The following NFATC2 variants were observed in gnomAD, a reference collection of about 807,000 sequenced individuals.
The protein encoded by NFATC2 is nuclear factor of activated T-cells, cytoplasmic 2.
A neutral mutation model predicts 87.3 loss-of-function variants in NFATC2; 22 were observed. The ratio of observed to expected loss-of-function variants is 0.25; its 90% CI spans 0.18 to 0.36. The LOEUF (loss-of-function observed/expected upper bound fraction) is 0.36. Among genes scored for constraint, NFATC2 ranks in the 10% least tolerant of loss-of-function variants. NFATC2 has a pLI of 1.00. For synonymous variants in NFATC2, 565 were observed against 542.2 expected (o/e 1.04, Z -0.58); for missense variants, 1,149 against 1,259.1 (o/e 0.91, Z 1.32).
chr20:51,422,284 G>C (rs1229818266), intron 9 of NFATC2, among the ~76,000 whole-genome samples: 1 of 152,158 alleles, frequency 6.6e-6, no homozygotes, highest in African/African-American at 2.4e-5. Flanking sequence ...TTTTATGACT[G>C]TTTAAAGGGA....
chr20:51,535,589 T>C (rs977141099), intron 1 of NFATC2, among the ~76,000 whole-genome samples: 1 of 152,218 alleles, frequency 6.6e-6, no homozygotes, highest in Admixed American at 6.5e-5. Context: ...GCCAACCCCC[T>C]GGTTATTAAG....
At chr20:51,545,631 G>A (rs1310280911), upstream of NFATC2, among the ~76,000 whole-genome samples, 2 of 152,088 alleles carry the variant, frequency 1.3e-5, no homozygotes, top group Admixed American at 6.6e-5. Context: ...TGGATGGATA[G>A]GGGATGGATT....
chr20:51,529,688 G>A (rs1317473692), intron 1 of NFATC2, among the ~76,000 whole-genome samples: 1 of 151,774 alleles, frequency 6.6e-6, no homozygotes, highest in East Asian at 1.9e-4. Context: ...CACGATCTTT[G>A]CTCTATCCAT....
chr20:51,538,014 AAAG>A (rs1169615732), intron 1 of NFATC2, among the ~76,000 whole-genome samples: 2 of 152,232 alleles, frequency 1.3e-5, no homozygotes, highest in Non-Finnish European at 2.9e-5. Context: ...ACAACTCCAC[AAAG>A]AAGCACCAGG....
intron 9 of NFATC2, among the ~76,000 whole-genome samples, chr20:51,418,953 C>CCCCCCCCCG (rs113178477): frequency 6.7e-6 from 1 of 149,830 alleles, no homozygotes; most frequent in East Asian, 2.0e-4. Context: ...CGTGAGCCAC[C>CCCCCCCCCG]CCCACCGCCC....
intron 3 of NFATC2, among the ~76,000 whole-genome samples, chr20:51,484,375 A>G (rs988218485): frequency 2.6e-5 from 4 of 152,048 alleles, no homozygotes; most frequent in Non-Finnish European, 4.4e-5. Flanking sequence ...CTTAAGTTGC[A>G]TCATCCACCT....
chr20:51,561,472 A>AAGC (rs2077027996), intron 1 of NFATC2, among the ~76,000 whole-genome samples: 1 of 137,430 alleles, frequency 7.3e-6, no homozygotes, highest in Admixed American at 7.5e-5. Flanking sequence ...AGAAAGAAAG[A>AAGC]AAGAAAGAAA....
intron 1 of NFATC2, among the ~76,000 whole-genome samples, chr20:51,533,571 C>T (rs1420966841): frequency 6.6e-6 from 1 of 152,230 alleles, no homozygotes; most frequent in Non-Finnish European, 1.5e-5. Flanking sequence ...CATCCTGTCT[C>T]GTCCATGGAA....
At chr20:51,510,467 C>A (rs181146733) in intron 3 of NFATC2, among the ~76,000 whole-genome samples, 1 of 152,206 alleles carries the variant, frequency 6.6e-6, no homozygotes, top group Non-Finnish European at 1.5e-5. Context: ...CAGGGCTCCA[C>A]CAAAAGCGTG....
At chr20:51,476,092 T>A (rs867847438) in intron 3 of NFATC2, among the ~76,000 whole-genome samples, 3,419 of 144,550 alleles carry the variant, frequency 0.024, 140 homozygotes, top group African/African-American at 0.082. Flanking sequence ...TTTTTTTTTT[T>A]ATACTTTAAG....
chr20:51,441,975 T>C (rs1269361668), intron 6 of NFATC2, among the ~76,000 whole-genome samples: 1 of 152,140 alleles, frequency 6.6e-6, no homozygotes, highest in Non-Finnish European at 1.5e-5. Flanking sequence ...GAATTCCTCA[T>C]TGCAAATAAA....
At chr20:51,473,168 C>G (rs1169944705) in intron 5 of NFATC2, among the ~76,000 whole-genome samples, 3 of 152,206 alleles carry the variant, frequency 2.0e-5, no homozygotes, top group Non-Finnish European at 2.9e-5. Flanking sequence ...GTATCAGACT[C>G]CGAAAATCTT....
chr20:51,461,941 C>A (rs893060858), intron 5 of NFATC2, among the ~76,000 whole-genome samples: 2 of 151,996 alleles, frequency 1.3e-5, no homozygotes, highest in Admixed American at 6.6e-5. Flanking sequence ...GGTGGTGAAA[C>A]CCCATCTCCA....
intron 9 of NFATC2, among the ~76,000 whole-genome samples, chr20:51,425,123 T>C (rs1042708685): frequency 3.3e-5 from 5 of 152,054 alleles, no homozygotes; most frequent in African/African-American, 1.2e-4. Context: ...TGAGAAATAA[T>C]GTTCTAGGAG....
At chr20:51,460,122 C>G (rs1986989686) in intron 5 of NFATC2, among the ~76,000 whole-genome samples, 1 of 152,182 alleles carries the variant, frequency 6.6e-6, no homozygotes, top group Non-Finnish European at 1.5e-5. Flanking sequence ...CGTTGACTTT[C>G]AAAAATGCCC....
intron 9 of NFATC2, among the ~76,000 whole-genome samples, chr20:51,416,391 C>A (rs889153671): frequency 6.6e-6 from 1 of 152,210 alleles, no homozygotes; most frequent in Non-Finnish European, 1.5e-5. Flanking sequence ...TAGGGCACAG[C>A]ACCCACCTGG....
Position 51,476,741 on chromosome 20 carries a change from C to CTTATT in NFATC2, c.1333-1082_1333-1081insAATAA, listed in dbSNP as rs1292473558. Among the ~76,000 whole-genome samples, 7 of 152,030 alleles carry CTTATT rather than the reference C, an allele frequency of 4.6e-5. 1 individual carries two copies. Among genetic ancestry groups the CTTATT allele is most frequent in the African/African-American group, 1.2e-4 (5 of 41,476 alleles). On this transcript the variant is annotated intron_variant, in intron 3 of 10. Transcript: ENST00000371564. ...TGATGAGTGAATTAATAAGGCTATC[C>CTTATT]AACAGAAAAAAAGTGAGTAAGATAT...
chr20:51,462,040 C>T (rs1207450155), intron 5 of NFATC2, among the ~76,000 whole-genome samples: 2 of 149,200 alleles, frequency 1.3e-5, no homozygotes, highest in East Asian at 2.0e-4. Flanking sequence ...AATTGCTTGA[C>T]CTGGGAGGTG....
intron 3 of NFATC2, among the ~76,000 whole-genome samples, chr20:51,514,459 T>C (rs1051583829): frequency 6.6e-6 from 1 of 152,218 alleles, no homozygotes; most frequent in Non-Finnish European, 1.5e-5. Flanking sequence ...TGTGGTCTCT[T>C]TTAAACAAAG....
Sources: allele counts gnomAD v4.1 joint callset (sites outside exome capture counted in the v4.1 genomes callset), GRCh38; gene constraint gnomAD v4.1.1; transcripts MANE v1.5; gene names NCBI Gene and HGNC (gene_info 2026-07-23, HGNC 2026-07-21).